Variants in DENND4A observed in about 807,000 individuals in gnomAD.
The protein encoded by DENND4A is DENN domain containing 4A.
In DENND4A, 70 loss-of-function variants were observed where a neutral mutation model predicts 199.3. The observed-to-expected ratio is 0.35, with a 90% CI of 0.29 to 0.43. DENND4A has a LOEUF of 0.43. Ranked by LOEUF, DENND4A falls within the 20% of genes least tolerant of loss-of-function variation. The pLI is 1.00. For synonymous variants in DENND4A, 686 were observed against 766.9 expected (o/e 0.89, Z 1.74); for missense variants, 1,723 against 2,255.8 (o/e 0.76, Z 4.78).
intron 23 of DENND4A, among the ~76,000 whole-genome samples, chr15:65,681,571 ATTTTTTTGTT>A (rs2076576079): frequency 7.0e-6 from 1 of 142,350 alleles, no homozygotes; most frequent in Non-Finnish European, 1.5e-5. Flanking sequence ...TTGACATTTC[ATTTTTTTGTT>A]TTTTTTTTTT....
intron 22 of DENND4A, 84 bp downstream of exon 22, chr15:65,696,282 T>A: frequency 6.7e-7 from 1 of 1,488,040 alleles, no homozygotes; most frequent in Middle Eastern, 1.8e-4. Context: ...CTTGGAGAAT[T>A]AAGACTATTA....
chr15:65,762,992 C>A (rs901136402), intron 1 of DENND4A, among the ~76,000 whole-genome samples: 5 of 151,986 alleles, frequency 3.3e-5, no homozygotes, highest in Admixed American at 6.6e-5. Flanking sequence ...ATTCAATATG[C>A]CAGTATCTTA....
At chr15:65,729,951 T>C (rs2075911444) in intron 9 of DENND4A, among the ~76,000 whole-genome samples, 1 of 152,184 alleles carries the variant, frequency 6.6e-6, no homozygotes. Flanking sequence ...TGAAAAGTCA[T>C]CTGCTTCATT....
chr15:65,773,385 T>C (rs1474850418), intron 1 of DENND4A, among the ~76,000 whole-genome samples: 3 of 152,148 alleles, frequency 2.0e-5, no homozygotes, highest in East Asian at 1.9e-4. Flanking sequence ...AGCGGTTTAA[T>C]AGAGAAGGCA....
At chr15:65,758,845 T>C (rs1376451605) in intron 2 of DENND4A, among the ~76,000 whole-genome samples, 1 of 152,172 alleles carries the variant, frequency 6.6e-6, no homozygotes, top group Non-Finnish European at 1.5e-5. Context: ...CAGCAGTCTT[T>C]TGATAAAGGC....
chr15:65,664,301 AT>A (rs769923457), intron 32 of DENND4A, 28 bp downstream of exon 32: 5 of 1,244,876 alleles, frequency 4.0e-6, no homozygotes, highest in Non-Finnish European at 5.7e-6. Flanking sequence ...ATATATAAAT[AT>A]TACATATTAG....
At chr15:65,745,015 G>A (rs2076353089) in intron 4 of DENND4A, among the ~76,000 whole-genome samples, 1 of 152,030 alleles carries the variant, frequency 6.6e-6, no homozygotes, top group African/African-American at 2.4e-5. Context: ...TTCCAACTTT[G>A]GTTTCTCTGA....
chr15:65,682,329 T>A (rs559579890), intron 23 of DENND4A, among the ~76,000 whole-genome samples: 3 of 152,090 alleles, frequency 2.0e-5, no homozygotes, highest in African/African-American at 4.8e-5. Context: ...ACATCTTCTA[T>A]ATTAGCACTT....
chr15:65,698,796 G>A lies in DENND4A; in HGVS notation c.2834-1413C>T, dbSNP rs371158644. On this transcript the variant is annotated intron_variant, in intron 20 of 32. Coordinates refer to ENST00000443035, the MANE Select transcript of DENND4A (RefSeq NM_001320835.1). ...TATGTTGCCCAGGCTGGAGTGCAGTGGCGTGATCTTGGCTCACTGCAACCT... is the reference window on the plus strand; with the variant it reads ...TATGTTGCCCAGGCTGGAGTGCAGTAGCGTGATCTTGGCTCACTGCAACCT... Among the ~76,000 whole-genome samples the A allele has an allele frequency of 3.6e-5, 5 of 139,980 alleles. No individual in the cohort carries two copies. In the East Asian group the frequency reaches 8.6e-4, roughly 24 times the overall value. 91.8% of individuals were successfully genotyped at this position (139,980 alleles called of 152,430 possible). A position where few individuals can be genotyped will look rare whatever the true frequency, so the allele number is the denominator to read the frequency against.
chr15:65,788,133 G>C (rs2077616903), intron 1 of DENND4A, among the ~76,000 whole-genome samples: 1 of 151,380 alleles, frequency 6.6e-6, no homozygotes, highest in African/African-American at 2.4e-5. Flanking sequence ...CTGGGGTGCA[G>C]TGGCGCTATC....
intron 11 of DENND4A, among the ~76,000 whole-genome samples, chr15:65,725,250 T>C (rs2075767231): frequency 6.6e-6 from 1 of 152,168 alleles, no homozygotes; most frequent in Non-Finnish European, 1.5e-5. Flanking sequence ...TACCCAATAA[T>C]TAGTGGTAGA....
chr15:65,724,918 T>A (rs1473815810), intron 11 of DENND4A, among the ~76,000 whole-genome samples: 2 of 152,196 alleles, frequency 1.3e-5, no homozygotes, highest in African/African-American at 4.8e-5. Flanking sequence ...AAGAAGAATA[T>A]GTGGTTTGCT....
At chr15:65,686,148 T>G (rs1332698149) in intron 23 of DENND4A, among the ~76,000 whole-genome samples, 1 of 152,216 alleles carries the variant, frequency 6.6e-6, no homozygotes, top group Non-Finnish European at 1.5e-5. Flanking sequence ...GAGTCTTCAA[T>G]TCCATGAACA....
intron 32 of DENND4A, among the ~76,000 whole-genome samples, chr15:65,664,024 C>G (rs1312487656): frequency 6.6e-6 from 1 of 152,122 alleles, no homozygotes; most frequent in Non-Finnish European, 1.5e-5. Context: ...GAAATATAAT[C>G]CATATACCAT....
In DENND4A at chr15:65,733,985, A is replaced by G. The variant is rs564954170; in HGVS notation, c.1041-1167T>C. 1.2e-4 allele frequency among the ~76,000 whole-genome samples: 18 copies of G among 152,336 alleles called. 1 individual carries two copies. The East Asian group carries it at 3.5e-3, about 29-fold the overall frequency. ...GGACCTCTGCCTAGGAAAGCCAGGT[A>G]TTGTCCAAGGTTTCTCCCCATGTGA... is the stretch of plus-strand genomic sequence containing the variant. On this transcript the variant is annotated intron_variant, in intron 7 of 32. Transcript: ENST00000443035.
chr15:65,737,803 A>G lies in DENND4A; in HGVS notation c.944T>C (p.Leu315Pro). 1 of 1,598,628 alleles carries G rather than the reference A, an allele frequency of 6.3e-7. No homozygotes were observed. Residue 315 changes from leucine to proline, a missense_variant, in exon 7 of 33, where the codon CTT becomes CCT. Coordinates refer to ENST00000443035, the MANE Select transcript of DENND4A (RefSeq NM_001320835.1). ...KTIHTNKCIC[L>P]LSHWPFFDAF... is the part of the protein sequence containing the mutation. The stretch of plus-strand genomic sequence containing the variant: ...ATCAAAAAAAGGCCAGTGAGAAAGA[A>G]GACAGATGCATTTGTTAGTATGAAT...
chr15:65,717,014 A>G (rs1246215960), intron 13 of DENND4A, among the ~76,000 whole-genome samples: 1 of 152,198 alleles, frequency 6.6e-6, no homozygotes, highest in Middle Eastern at 3.2e-3. Context: ...CTTTCAGATC[A>G]TGGATCAGAT....
chr15:65,770,331 A>T (rs750665033), intron 1 of DENND4A, among the ~76,000 whole-genome samples: 1 of 152,170 alleles, frequency 6.6e-6, no homozygotes, highest in Non-Finnish European at 1.5e-5. Context: ...AAATTTTGGC[A>T]GCCCTTCAAG....
chr15:65,750,747 A>C (rs1014497630), intron 4 of DENND4A, among the ~76,000 whole-genome samples: 3 of 151,986 alleles, frequency 2.0e-5, no homozygotes, highest in African/African-American at 7.2e-5. Context: ...TTTTAATTTA[A>C]AACAGTAATA....
Sources: gnomAD v4.1 joint callset for allele counts (sites outside exome capture counted in the v4.1 genomes callset) on GRCh38, gnomAD v4.1.1 for gene constraint, MANE v1.5 for transcripts, NCBI Gene and HGNC (gene_info 2026-07-23, HGNC 2026-07-21) for gene names.